NCOA6: variants seen among roughly 807,000 people sequenced by gnomAD.
NCOA6 encodes the protein nuclear receptor coactivator 6, also known as NRC RAP250.
NCOA6 carries 49 observed loss-of-function variants against 171.4 expected under a neutral mutation model. The observed-to-expected ratio is 0.29, with a 90% confidence interval of 0.23 to 0.36. The LOEUF is 0.36. Among genes scored for constraint, NCOA6 ranks in the 10% least tolerant of loss-of-function variants. The pLI is 1.00. For synonymous variants in NCOA6, 910 were observed against 927.5 expected, an observed-to-expected ratio of 0.98 and a Z score of 0.34; for missense variants, 2,248 against 2,554.5, an observed-to-expected ratio of 0.88 and a Z score of 2.59.
In NCOA6 at chr20:34,740,936, G is replaced by C; in HGVS notation, c.5320C>G (p.Gln1774Glu). The change falls in exon 11 of 15, where the codon CAG becomes GAG. Residue 1774 changes from glutamine to glutamate, a missense_variant. Physicochemically the swap from Gln to Glu is conservative, Grantham distance 29. Transcript: ENST00000359003. ...TTCTGATCTGCTGAGGTGTTCACCT[G>C]AGGGCTAGCCTCATCTGGATTCAAT... ...KELNPDEASP[Q>E]VNTSADQNTL... The C allele has an allele frequency of 6.2e-7, 1 of 1,614,212 alleles. No individual in the cohort carries two copies. The highest frequency in any genetic ancestry group is 1.1e-5 in the South Asian group (1 of 91,080).
rs2146592080 is a variant in NCOA6 at position 34,809,475 on chromosome 20, C to T, written c.-164+15997G>A. 7.5e-6 allele frequency: 3 copies of T among 398,556 alleles called. No homozygotes were observed. In the East Asian group the frequency reaches 1.1e-4, roughly 14 times the overall value. 24.7% of individuals were successfully genotyped at this position (398,556 alleles called of 1,614,324 possible). On this transcript the variant is annotated intron_variant, in intron 1 of 14. Coordinates refer to ENST00000359003, the MANE Select transcript of NCOA6 (RefSeq NM_014071.5). ...GACCTGCTTAAGAACTCTCTGACCA[C>T]TCTCAGAAAAGTTAGTCAGTGGGAC...
chr20:34,745,947 GGC>G (rs2076288751), intron 10 of NCOA6, among the ~76,000 whole-genome samples: 1 of 151,964 alleles, frequency 6.6e-6, no homozygotes, highest in Non-Finnish European at 1.5e-5. Context: ...CAACAAAGGG[GGC>G]TTCCAATATT....
At chr20:34,765,819 T>C (rs906477967) in intron 5 of NCOA6, among the ~76,000 whole-genome samples, 3 of 152,052 alleles carry the variant, frequency 2.0e-5, no homozygotes, top group African/African-American at 7.2e-5. Flanking sequence ...ATGACTACTA[T>C]AGTATCCCCA....
chr20:34,722,543 G>A (rs1460808628), intron 14 of NCOA6, among the ~76,000 whole-genome samples: 8 of 151,904 alleles, frequency 5.3e-5, no homozygotes, highest in African/African-American at 1.9e-4. Flanking sequence ...AGCCAGGCAT[G>A]GTGATGCACA....
At position 34,749,843 on chromosome 20, in the gene NCOA6, C is replaced by T. The variant is rs2076414867; in HGVS notation, c.2352G>A (p.Gln784=). ...NNSPSQVMGI[Q]GQVLRPPGPS... ...GCCCTGGTGGCCGCAGGACCTGTCC[C>T]TGAATGCCCATAACCTGAGATGGAC... Residue 784 remains glutamine, a synonymous_variant, in exon 9 of 15, where the codon CAG becomes CAA. Transcript: ENST00000359003. The T allele has an allele frequency of 1.2e-6, 2 of 1,614,208 alleles. No individual in the cohort carries two copies. Among genetic ancestry groups the T allele is most frequent in the East Asian group, 4.5e-5 (2 of 44,882 alleles).
chr20:34,776,521 C>A (rs2077327349), intron 3 of NCOA6, 73 bp from the exon 4 acceptor site: 1 of 1,525,886 alleles, frequency 6.6e-7, no homozygotes, highest in African/African-American at 1.4e-5. Context: ...AAAAAACAAA[C>A]CAAAAGAGCA....
intron 5 of NCOA6, among the ~76,000 whole-genome samples, chr20:34,760,646 G>A (rs1274619176): frequency 6.6e-6 from 1 of 152,014 alleles, no homozygotes; most frequent in Non-Finnish European, 1.5e-5. Flanking sequence ...CAGGGAAACA[G>A]ATTTTTATTT....
At chr20:34,823,920 GA>G (rs943957289) in intron 1 of NCOA6, among the ~76,000 whole-genome samples, 3 of 152,130 alleles carry the variant, frequency 2.0e-5, no homozygotes, top group African/African-American at 7.2e-5. Flanking sequence ...CTGGGCTCAA[GA>G]AATCCTCCCA....
rs865778916 is a variant in NCOA6, at chr20:34,758,002, T to C, written c.746A>G (p.Asn249Ser). ...AAAATTAGCTGGGTTCATTTGTCTG[T>C]TCACAGAGACAGGCTGCATTGGGTG... Reference protein sequence around the residue: ...PHHPMQPVSVNRQMNPANFPQ... With the variant: ...PHHPMQPVSVSRQMNPANFPQ... Residue 249 changes from asparagine to serine, a missense_variant, in exon 7 of 15, where the codon AAC becomes AGC. Around this residue, in one of 7 missense-constraint regions of NCOA6, gnomAD observed 987 missense variants for 1,104.7 expected, o/e 0.89. Coordinates refer to ENST00000359003, the MANE Select transcript of NCOA6 (RefSeq NM_014071.5). The C allele has an allele frequency of 6.2e-7, 1 of 1,614,098 alleles. No individual in the cohort carries two copies. Among genetic ancestry groups the C allele is most frequent in the African/African-American group, 1.3e-5 (1 of 75,012 alleles).
intron 1 of NCOA6, among the ~76,000 whole-genome samples, chr20:34,807,131 C>T (rs1014614522): frequency 6.6e-6 from 1 of 152,190 alleles, no homozygotes; most frequent in African/African-American, 2.4e-5. Flanking sequence ...AGGAGACTTG[C>T]TATTCCTTTC....
intron 1 of NCOA6, among the ~76,000 whole-genome samples, chr20:34,817,157 G>A (rs1314341167): frequency 0.028 from 3,168 of 111,994 alleles, 703 homozygotes; most frequent in Middle Eastern, 0.068. Flanking sequence ...AAAAGCAAAA[G>A]AAAATGTATA....
chr20:34,792,703 C>G (rs953743473), intron 1 of NCOA6, 140 bp from the exon 2 acceptor site: 2 of 383,378 alleles, frequency 5.2e-6, no homozygotes, highest in African/African-American at 4.2e-5. Context: ...CACAAGTTAT[C>G]AAGTCAGCAT....
chr20:34,782,322 T>C lies in NCOA6; in HGVS notation c.34A>G (p.Ile12Val), dbSNP rs1396594411. ...VLDDLPNLED[I>V]YTSLCSSTME... ...GTTGATGAACACAAGGAAGTATAGA[T>C]GTCTTCTAAGTTTGGAAGGTCATCC... The change falls in exon 3 of 15, where the codon ATC becomes GTC. Residue 12 changes from isoleucine (I) to valine (V), a missense_variant. This residue lies in a region of NCOA6 where 987 missense variants were observed against 1,104.7 expected (regional missense o/e 0.89). Transcript: ENST00000359003. 3.7e-6 allele frequency: 6 copies of C among 1,610,258 alleles called. No homozygotes were observed. The highest frequency in any genetic ancestry group is 2.2e-5 in the East Asian group (1 of 44,694).
At chr20:34,781,442 A>C (rs1273173771) in intron 3 of NCOA6, among the ~76,000 whole-genome samples, 1 of 152,238 alleles carries the variant, frequency 6.6e-6, no homozygotes, top group Non-Finnish European at 1.5e-5. Context: ...CCAGATGGGA[A>C]CTGTGGTGAA....
At chr20:34,758,221 TA>T (rs1416448637) in intron 6 of NCOA6, 117 bp from the exon 7 acceptor site, 1 of 1,332,980 alleles carries the variant, frequency 7.5e-7, no homozygotes, top group Non-Finnish European at 1.0e-6. Context: ...TTCGATAAAA[TA>T]AATGCTTGTG....
rs1348410189 is a variant in NCOA6 at position 34,768,503 on chromosome 20, C to T, written c.475G>A (p.Val159Ile). 1.2e-6 allele frequency: 2 copies of T among 1,614,078 alleles called. No individual in the cohort carries two copies. Among genetic ancestry groups the T allele is most frequent in the African/African-American group, 2.7e-5 (2 of 74,924 alleles). The part of the protein sequence containing the change: ...MNGPMGAGNS[V>I]RMEAGFPMAS... ...ATAGGAAATCCCGCCTCCATCCTAACTGAATTTCCAGCTCCCATGGGTCCA... is the reference window on the plus strand; with the variant it reads ...ATAGGAAATCCCGCCTCCATCCTAATTGAATTTCCAGCTCCCATGGGTCCA... Residue 159 changes from valine (V) to isoleucine (I), a missense_variant, in exon 5 of 15, where the codon GTT becomes ATT. By Grantham distance (29) the Val-to-Ile change is conservative. Around this residue, in one of 7 missense-constraint regions of NCOA6, gnomAD observed 987 missense variants for 1,104.7 expected, o/e 0.89. Coordinates refer to ENST00000359003, the MANE Select transcript of NCOA6 (RefSeq NM_014071.5).
chr20:34,776,689 A>G, intron 3 of NCOA6: 1 of 620,436 alleles, frequency 1.6e-6, no homozygotes, highest in Non-Finnish European at 2.9e-6. Context: ...TTCTAAAACT[A>G]TGAAAAAACT....
rs535374523 is a variant in NCOA6 at position 34,724,759 on chromosome 20, G to A, written c.6148+2500C>T. ...ATTTAACATTTAACACAGAGTATTA[G>A]AATTCGTCTTTCAATGTGGTAAAGA... is the stretch of plus-strand genomic sequence containing the variant. On this transcript the variant is annotated intron_variant, in intron 14 of 14. Coordinates refer to ENST00000359003, the MANE Select transcript of NCOA6 (RefSeq NM_014071.5). 4.1e-4 allele frequency among the ~76,000 whole-genome samples: 62 copies of A among 151,818 alleles called. 1 individual carries two copies. The East Asian group carries it at 0.012, about 29-fold the overall frequency.
In NCOA6 at chr20:34,758,023, G is replaced by A; in HGVS notation, c.725C>T (p.Pro242Leu). The A allele has an allele frequency of 6.2e-7, 1 of 1,614,022 alleles. No homozygotes were observed. ...TCTGTTCACAGAGACAGGCTGCATT[G>A]GGTGATGTGGGGGAGCTAAAGATCC... ...PSGSLAPPHH[P>L]MQPVSVNRQM... Residue 242 changes from proline to leucine, a missense_variant, in exon 7 of 15, where the codon CCA (proline) becomes CTA (leucine). Transcript: ENST00000359003.
Sources: gnomAD v4.1 joint callset for allele counts (sites outside exome capture counted in the v4.1 genomes callset) on GRCh38, gnomAD v4.1.1 for gene constraint, gnomAD v4.1.1 regional missense constraint, MANE v1.5 for transcripts, NCBI Gene and HGNC (gene_info 2026-07-23, HGNC 2026-07-21) for gene names.